The following NOC3L variants were observed in gnomAD, a reference collection of about 807,000 sequenced individuals.
The protein encoded by NOC3L is NOC3 like DNA replication regulator, also known as nucleolar complex protein 3 homolog.
NOC3L carries 85 observed loss-of-function variants against 102.5 expected under a neutral mutation model. The ratio of observed to expected loss-of-function variants is 0.83; its 90% confidence interval spans 0.70 to 0.99. The LOEUF is 0.99. Ranked by LOEUF, NOC3L falls within the 50% of genes least tolerant of loss-of-function variation. The pLI, the probability that NOC3L is intolerant of heterozygous loss-of-function variation, is 0.00. For missense variants in NOC3L, 878 were observed against 914.9 expected (o/e 0.96, Z 0.52); for synonymous variants, 303 against 309.4 (o/e 0.98, Z 0.22).
At chr10:94,325,666 T>G in the NOC3L span, 2 of 152,252 alleles carry the variant, frequency 1.3e-5, no homozygotes, top group Admixed American at 6.5e-5. Flanking sequence ...ACCCCTTATT[T>G]ATTTTGTAGA....
At chr10:94,355,263 T>C (rs1342978210) in intron 5 of NOC3L, among the ~76,000 whole-genome samples, 170 bp from the exon 6 acceptor site, 5 of 152,152 alleles carry the variant, frequency 3.3e-5, no homozygotes, top group African/African-American at 1.2e-4. Flanking sequence ...ACCCATTTTA[T>C]AGATAAGAAA....
downstream of NOC3L, chr10:94,332,752 T>C (rs961885815): frequency 1.3e-5 from 2 of 152,168 alleles, no homozygotes; most frequent in African/African-American, 4.8e-5. Context: ...ACCAGAAGTA[T>C]AGTTTCTGCT....
intron 10 of NOC3L, among the ~76,000 whole-genome samples, chr10:94,347,562 T>G (rs2054359838): frequency 6.6e-6 from 1 of 152,190 alleles, no homozygotes; most frequent in African/African-American, 2.4e-5. Context: ...ATTTAATGTT[T>G]ATAATTTTAG....
At chr10:94,325,212 C>A in the NOC3L span, 1 of 822,430 alleles carries the variant, frequency 1.2e-6, no homozygotes, top group Non-Finnish European at 2.1e-6. Context: ...GGAGGATGTC[C>A]CTTGAAGGCA....
At chr10:94,362,510 AC>A (rs1366652397) in intron 1 of NOC3L, among the ~76,000 whole-genome samples, 2 of 152,114 alleles carry the variant, frequency 1.3e-5, no homozygotes, top group Non-Finnish European at 2.9e-5. Context: ...ACCGTGACTC[AC>A]ATTATAAACT....
At chr10:94,338,336 T>G (rs17109928) in intron 18 of NOC3L, among the ~76,000 whole-genome samples, 22,727 of 151,768 alleles carry the variant, frequency 0.15, 1,923 homozygotes, top group South Asian at 0.32. Context: ...TAGGGAAAGA[T>G]TTCAATAAAG....
chr10:94,338,977 A>G (rs1329376873), intron 17 of NOC3L, among the ~76,000 whole-genome samples: 1 of 152,234 alleles, frequency 6.6e-6, no homozygotes, highest in Non-Finnish European at 1.5e-5. Flanking sequence ...AGAAAAAAAT[A>G]TGCTTCTCAC....
intron 5 of NOC3L, among the ~76,000 whole-genome samples, chr10:94,355,841 T>C (rs896947118): frequency 6.6e-6 from 1 of 152,190 alleles, no homozygotes; most frequent in South Asian, 2.1e-4. Context: ...TAATACTTCA[T>C]AGTTTTGGGC....
chr10:94,336,541 T>C (rs1318800449), intron 19 of NOC3L, among the ~76,000 whole-genome samples: 1 of 151,102 alleles, frequency 6.6e-6, no homozygotes, highest in Non-Finnish European at 1.5e-5. Context: ...AGAGATGGGG[T>C]TTCACCATGT....
chr10:94,346,717 A>G (rs570457048), intron 10 of NOC3L, among the ~76,000 whole-genome samples, 161 bp from the exon 11 acceptor site: 28 of 152,164 alleles, frequency 1.8e-4, no homozygotes, highest in Non-Finnish European at 3.4e-4. Flanking sequence ...TCTGTATGCT[A>G]TATTAATAAC....
In NOC3L at chr10:94,334,224, C is replaced by G. The variant is rs1464603322; in HGVS notation, c.2356G>C (p.Glu786Gln). The G allele has an allele frequency of 2.6e-5, 41 of 1,606,716 alleles. No homozygotes were observed. The highest frequency in any genetic ancestry group is 3.4e-5 in the Non-Finnish European group (40 of 1,173,742). Residue 786 changes from glutamate (E) to glutamine (Q), a missense_variant, in exon 21 of 21, where the codon GAA (glutamate) becomes CAA (glutamine). Physicochemically the swap from Glu to Gln is conservative, Grantham distance 29. Coordinates refer to ENST00000371361, the MANE Select transcript of NOC3L (RefSeq NM_022451.11). Reference sequence around the variant, plus strand: ...TATTTCGTGAAATCCAGAGGCGATTCAGTAGCAACTTCACTGGAGTATCTT... The same window carrying G: ...TATTTCGTGAAATCCAGAGGCGATTGAGTAGCAACTTCACTGGAGTATCTT... ...IKRYSSEVAT[E>Q]SPLDFTKYLK...
chr10:94,324,908 A>G, the NOC3L span: 5 of 1,614,146 alleles, frequency 3.1e-6, no homozygotes, highest in African/African-American at 1.3e-5. Context: ...CGAGAAGATA[A>G]AAAGAAAGGC....
At chr10:94,345,827 GTGA>G (rs758193259) in intron 11 of NOC3L, among the ~76,000 whole-genome samples, 17 of 152,108 alleles carry the variant, frequency 1.1e-4, no homozygotes, top group Non-Finnish European at 1.6e-4. Context: ...GTTCTGAGAT[GTGA>G]TGATAACAAT....
intron 1 of NOC3L, 49 bp from the exon 2 acceptor site, chr10:94,361,921 A>T: frequency 1.5e-6 from 2 of 1,350,194 alleles, no homozygotes; most frequent in South Asian, 2.4e-5. Flanking sequence ...TTATTTTTTA[A>T]ATCAGGTTAA....
rs2054568051 is a variant in NOC3L at position 94,362,887 on chromosome 10, G to A, written c.-49C>T. Reference sequence around the variant, plus strand: ...GCCAGACAAGTTCACCAGAAGCAGGGTTACTACAGAAATCCCGGGGAATGA... The same window carrying A: ...GCCAGACAAGTTCACCAGAAGCAGGATTACTACAGAAATCCCGGGGAATGA... On this transcript the variant is annotated 5_prime_UTR_variant, in exon 1 of 21. Transcript: ENST00000371361. 3 of 1,613,886 alleles carry A rather than the reference G, an allele frequency of 1.9e-6. No homozygotes were observed. The highest frequency in any genetic ancestry group is 1.7e-6 in the Non-Finnish European group (2 of 1,180,016).
Position 94,352,305 on chromosome 10 carries a change from T to C in NOC3L, c.952+5A>G, listed in dbSNP as rs1438509902. 1.9e-6 allele frequency: 3 copies of C among 1,569,298 alleles called. No individual in the cohort carries two copies. The highest frequency in any genetic ancestry group is 1.1e-5 in the South Asian group (1 of 89,318). On this transcript the variant is annotated splice_donor_5th_base_variant and intron_variant, in intron 8 of 20. Transcript: ENST00000371361. ...TTACAAACTTTGAAGATATGTTTAA[T>C]ATACCTTTAACCATTTGTTCCAGAT...
chr10:94,358,303 AAGCTT>A (rs1391442424), intron 2 of NOC3L, 88 bp from the exon 3 acceptor site: 1 of 754,628 alleles, frequency 1.3e-6, no homozygotes, highest in African/African-American at 1.7e-5. Flanking sequence ...TAAACAGGAA[AAGCTT>A]ACGCTTTCTG....
chr10:94,348,271 C>T lies in NOC3L; in HGVS notation c.1257+979G>A, dbSNP rs530496687. On this transcript the variant is annotated intron_variant, in intron 10 of 20. Transcript: ENST00000371361. ...AAATATAAAAATTAAAATTAAAAAT[C>T]TCGGAGAGACTCCGTAAATTGGGAT... 1.8e-3 allele frequency among the ~76,000 whole-genome samples: 273 copies of T among 151,316 alleles called. 2 individuals are homozygous for T. The highest frequency in any genetic ancestry group is 6.1e-3 in the African/African-American group (251 of 41,412).
At chr10:94,336,451 A>C (rs2054219341) in intron 19 of NOC3L, among the ~76,000 whole-genome samples, 1 of 151,642 alleles carries the variant, frequency 6.6e-6, no homozygotes, top group African/African-American at 2.4e-5. Flanking sequence ...GGGTTCAAGC[A>C]ATTCTCCTGC....
Sources: allele counts gnomAD v4.1 joint callset (sites outside exome capture counted in the v4.1 genomes callset), GRCh38; gene constraint gnomAD v4.1.1; transcripts MANE v1.5; gene names NCBI Gene and HGNC (gene_info 2026-07-23, HGNC 2026-07-21).